DDX10: variants seen among roughly 807,000 people sequenced by gnomAD.
The protein encoded by DDX10 is DEAD-box helicase 10.
Under a neutral mutation model 104.3 loss-of-function variants are expected in DDX10, and 74 were observed. The ratio of observed to expected loss-of-function variants is 0.71; its 90% confidence interval spans 0.59 to 0.86. The LOEUF (loss-of-function observed/expected upper bound fraction) is 0.86, where lower values mean the gene tolerates loss of function less well. Among genes scored for constraint, DDX10 ranks in the 40% least tolerant of loss-of-function variants. The pLI, the probability that DDX10 is intolerant of heterozygous loss-of-function variation, is 0.00. For synonymous variants in DDX10, 351 were observed against 353.4 expected (o/e 0.99, Z 0.08); for missense variants, 952 against 1,040.0 (o/e 0.92, Z 1.16).
chr11:108,879,492 A>C (rs944972150), intron 16 of DDX10, among the ~76,000 whole-genome samples: 1 of 152,244 alleles, frequency 6.6e-6, no homozygotes, highest in Non-Finnish European at 1.5e-5. Context: ...GGTAATTTCT[A>C]CATTGCTCCC....
At chr11:108,675,898 C>G in intron 3 of DDX10, 172 bp downstream of exon 3, 1 of 763,026 alleles carries the variant, frequency 1.3e-6, no homozygotes, top group East Asian at 2.7e-5. Context: ...CACCATTTTC[C>G]CCAGGTTCTA....
At chr11:108,778,733 A>C (rs1038853589) in intron 13 of DDX10, among the ~76,000 whole-genome samples, 1 of 152,256 alleles carries the variant, frequency 6.6e-6, no homozygotes, top group African/African-American at 2.4e-5. Flanking sequence ...ATAGCAAAAT[A>C]AACTACCATC....
intron 5 of DDX10, 30 bp from the exon 6 acceptor site, chr11:108,679,341 G>A: frequency 1.3e-6 from 2 of 1,555,452 alleles, no homozygotes; most frequent in Non-Finnish European, 1.7e-6. Context: ...TTTTACATAT[G>A]ATAGTTCAAC....
intron 13 of DDX10, among the ~76,000 whole-genome samples, chr11:108,791,531 T>A (rs1391000823): frequency 6.6e-6 from 1 of 152,240 alleles, no homozygotes. Flanking sequence ...AACAAATGTT[T>A]GTGGTGTTTT....
chr11:108,673,300 T>A (rs1219013651), intron 1 of DDX10, among the ~76,000 whole-genome samples, 167 bp from the exon 2 acceptor site: 2 of 152,190 alleles, frequency 1.3e-5, no homozygotes, highest in African/African-American at 4.8e-5. Flanking sequence ...AGGGACAGCC[T>A]CTTCAGGGCA....
chr11:108,747,106 A>T (rs1468125743), intron 13 of DDX10, among the ~76,000 whole-genome samples: 2 of 152,136 alleles, frequency 1.3e-5, no homozygotes, highest in African/African-American at 4.8e-5. Flanking sequence ...CTGAACATAT[A>T]TATATAAGAG....
At chr11:108,936,757 C>T (rs1246510701) in intron 17 of DDX10, among the ~76,000 whole-genome samples, 1 of 152,110 alleles carries the variant, frequency 6.6e-6, no homozygotes, top group East Asian at 1.9e-4. Context: ...AAGTAGCTAT[C>T]CCTTGAATAT....
intron 13 of DDX10, among the ~76,000 whole-genome samples, chr11:108,812,112 T>C (rs1158850204): frequency 6.6e-6 from 1 of 152,204 alleles, no homozygotes; most frequent in Non-Finnish European, 1.5e-5. Context: ...TTTGATAGCC[T>C]GCAACCAGTC....
intron 13 of DDX10, among the ~76,000 whole-genome samples, chr11:108,786,577 T>G (rs1374853824): frequency 6.6e-6 from 1 of 152,228 alleles, no homozygotes; most frequent in African/African-American, 2.4e-5. Flanking sequence ...TAAGTCTTCT[T>G]GTTGAATAGA....
chr11:108,780,482 T>A (rs2094376741), intron 13 of DDX10, among the ~76,000 whole-genome samples: 1 of 152,144 alleles, frequency 6.6e-6, no homozygotes, highest in Non-Finnish European at 1.5e-5. Context: ...CCAGAAAACA[T>A]CTTTGCTTGG....
chr11:108,774,054 C>CA (rs1228405198), intron 13 of DDX10, among the ~76,000 whole-genome samples: 4 of 151,990 alleles, frequency 2.6e-5, no homozygotes, highest in African/African-American at 7.2e-5. Flanking sequence ...CAAACTTCAA[C>CA]AAAAAAAGCA....
intron 17 of DDX10, among the ~76,000 whole-genome samples, chr11:108,931,894 G>A (rs764287571): frequency 2.7e-5 from 4 of 150,526 alleles, no homozygotes; most frequent in Non-Finnish European, 5.9e-5. Context: ...TGCTTTACCA[G>A]TCAAATAACC....
intron 13 of DDX10, among the ~76,000 whole-genome samples, chr11:108,788,830 G>A (rs1324315862): frequency 6.6e-6 from 1 of 152,174 alleles, no homozygotes; most frequent in Non-Finnish European, 1.5e-5. Flanking sequence ...TTGTATTTTG[G>A]TTCTGTTGGT....
chr11:108,681,421 T>C (rs2094235061), intron 6 of DDX10, among the ~76,000 whole-genome samples: 1 of 152,206 alleles, frequency 6.6e-6, no homozygotes, highest in Admixed American at 6.5e-5. Context: ...GCTGCAGTAT[T>C]CTAATATTCC....
intron 13 of DDX10, among the ~76,000 whole-genome samples, chr11:108,807,934 A>G (rs1290212378): frequency 1.3e-5 from 2 of 152,216 alleles, no homozygotes; most frequent in Non-Finnish European, 2.9e-5. Flanking sequence ...GTAAATTAGA[A>G]AAGTGTCACG....
At chr11:108,827,101 TAAAA>T (rs539552551) in intron 13 of DDX10, among the ~76,000 whole-genome samples, 85 of 152,326 alleles carry the variant, frequency 5.6e-4, no homozygotes, top group African/African-American at 1.8e-3. Flanking sequence ...GTTTTCTAAT[TAAAA>T]ATTTGTAGGA....
At chr11:108,685,391 CGCGCACGGT>C (rs1486928378) in intron 6 of DDX10, among the ~76,000 whole-genome samples, 1 of 151,552 alleles carries the variant, frequency 6.6e-6, no homozygotes, top group African/African-American at 2.4e-5. Flanking sequence ...TGCTTCGGCT[CGCGCACGGT>C]GCGCACACAC....
chr11:108,746,025 T>A (rs1310976185), intron 13 of DDX10, among the ~76,000 whole-genome samples: 4 of 152,156 alleles, frequency 2.6e-5, no homozygotes, highest in Admixed American at 6.6e-5. Context: ...ATGTTTTTTA[T>A]CACTTCCAAA....
At chr11:108,817,869 C>CA (rs1231404751) in intron 13 of DDX10, among the ~76,000 whole-genome samples, 1 of 152,210 alleles carries the variant, frequency 6.6e-6, no homozygotes, top group African/African-American at 2.4e-5. Context: ...GTGGATCAGG[C>CA]ATTTGCCTCT....
Sources: gnomAD v4.1 joint callset for allele counts (sites outside exome capture counted in the v4.1 genomes callset) on GRCh38, gnomAD v4.1.1 for gene constraint, MANE v1.5 for transcripts, NCBI Gene and HGNC (gene_info 2026-07-23, HGNC 2026-07-21) for gene names.